Variants in NSUN2 observed in about 807,000 individuals in gnomAD.
NSUN2 encodes NOP2/Sun RNA methyltransferase 2.
NSUN2 carries 63 observed loss-of-function variants against 92.7 expected under a neutral mutation model. The observed-to-expected ratio is 0.68, with a 90% confidence interval of 0.56 to 0.84. The LOEUF (loss-of-function observed/expected upper bound fraction) is 0.84, where lower values mean the gene tolerates loss of function less well. Ranked by LOEUF, NSUN2 falls within the 40% of genes least tolerant of loss-of-function variation. The probability of loss-of-function intolerance (pLI) is 0.00; values close to 1 mark genes in which losing one functional copy is unlikely to be tolerated. For missense variants in NSUN2, 989 were observed against 964.9 expected, an observed-to-expected ratio of 1.02 and a Z score of -0.33; for synonymous variants, 356 against 348.3, an observed-to-expected ratio of 1.02 and a Z score of -0.25.
chr5:6,609,795 G>C, intron 12 of NSUN2, 31 bp downstream of exon 12: 1 of 1,537,868 alleles, frequency 6.5e-7, no homozygotes, highest in South Asian at 1.1e-5. Context: ...AAGATCAAAT[G>C]TTATGTCATT....
intron 18 of NSUN2, among the ~76,000 whole-genome samples, chr5:6,600,901 C>T (rs1214630225): frequency 2.6e-5 from 4 of 152,222 alleles, no homozygotes; most frequent in African/African-American, 7.2e-5. Flanking sequence ...TGAACATGCT[C>T]CGAGCCTCCC....
chr5:6,631,438 C>T (rs1029368345), intron 3 of NSUN2, among the ~76,000 whole-genome samples: 5 of 151,976 alleles, frequency 3.3e-5, no homozygotes, highest in Admixed American at 1.3e-4. Context: ...TGCGAAGTAC[C>T]AGGAGACAAC....
rs1736464056 is a variant in NSUN2 at position 6,599,745 on chromosome 5, C to G, written c.*181G>C. ...ACACGCTAAAAGAGTACATTTTCATCAGCTCCAAAGAAAGCAGTCCTGGTC... is the reference window on the plus strand; with the variant it reads ...ACACGCTAAAAGAGTACATTTTCATGAGCTCCAAAGAAAGCAGTCCTGGTC... On this transcript the variant is annotated 3_prime_UTR_variant, in exon 19 of 19. Coordinates refer to ENST00000264670, the MANE Select transcript of NSUN2 (RefSeq NM_017755.6). 1.6e-6 allele frequency: 1 copy of G among 619,764 alleles called. No individual in the cohort carries two copies. Among genetic ancestry groups the G allele is most frequent in the African/African-American group, 1.8e-5 (1 of 55,192 alleles). 38.4% of individuals were successfully genotyped at this position (619,764 alleles called of 1,614,324 possible). A position where few individuals can be genotyped will look rare whatever the true frequency, so the allele number is the denominator to read the frequency against.
chr5:6,604,306 A>G (rs1035392886), intron 16 of NSUN2, 30 bp from the exon 17 acceptor site: 2 of 1,571,516 alleles, frequency 1.3e-6, no homozygotes, highest in Admixed American at 3.4e-5. Context: ...GAGAGAACAG[A>G]TACCATGATG....
chr5:6,601,319 T>G (rs1736546891), intron 18 of NSUN2, among the ~76,000 whole-genome samples: 1 of 147,508 alleles, frequency 6.8e-6, no homozygotes, highest in Admixed American at 6.9e-5. Flanking sequence ...AAAAACCATT[T>G]CTGAGTCTTT....
intron 3 of NSUN2, among the ~76,000 whole-genome samples, chr5:6,627,598 GTATT>G (rs1737700969): frequency 6.6e-6 from 1 of 152,136 alleles, no homozygotes. Context: ...AAATTCTACA[GTATT>G]TATAATTGTG....
At chr5:6,604,383 T>C in intron 16 of NSUN2, 107 bp from the exon 17 acceptor site, 1 of 1,104,766 alleles carries the variant, frequency 9.1e-7, no homozygotes, top group South Asian at 1.5e-5. Context: ...GGTCGAGCCC[T>C]CACTATGGCC....
chr5:6,612,988 C>T (rs1169668178), intron 9 of NSUN2, among the ~76,000 whole-genome samples: 1 of 152,216 alleles, frequency 6.6e-6, no homozygotes, highest in African/African-American at 2.4e-5. Context: ...AAGGTCTGCT[C>T]CTTCCTGCAT....
intron 14 of NSUN2, among the ~76,000 whole-genome samples, chr5:6,606,230 T>A (rs963470786): frequency 1.3e-5 from 2 of 152,218 alleles, no homozygotes; most frequent in African/African-American, 2.4e-5. Context: ...TATACTCAAT[T>A]GAGTAATTTA....
chr5:6,611,687 C>T (rs1413884017), intron 10 of NSUN2, 38 bp downstream of exon 10: 1 of 1,572,620 alleles, frequency 6.4e-7, no homozygotes, highest in Non-Finnish European at 8.8e-7. Context: ...TGATGCTGCA[C>T]CTACTCTTTA....
intron 4 of NSUN2, among the ~76,000 whole-genome samples, chr5:6,624,850 A>C (rs1737586334): frequency 6.6e-6 from 1 of 152,228 alleles, no homozygotes; most frequent in African/African-American, 2.4e-5. Flanking sequence ...TAAATGTGAG[A>C]CTAAGAATTC....
At chr5:6,623,334 C>T (rs78257966) in intron 4 of NSUN2, 49 bp from the exon 5 acceptor site, 34,800 of 1,196,830 alleles carry the variant, frequency 0.029, 592 homozygotes, top group Non-Finnish European at 0.034. Context: ...AAAAAAAAAC[C>T]GCAGACAATT....
In NSUN2 at chr5:6,605,434, T is replaced by A. The variant is rs768670333; in HGVS notation, c.1602-26A>T. The A allele has an allele frequency of 6.8e-6, 11 of 1,610,018 alleles. No homozygotes were observed. The South Asian group carries it at 9.9e-5, about 14-fold the overall frequency. On this transcript the variant is annotated intron_variant, in intron 14 of 18. Transcript: ENST00000264670. ...CTGTACATAACAACATTGTTGTTTA[T>A]CCACAATGAGTTCAAAATCTGGTAG...
chr5:6,601,157 T>C (rs1382660356), intron 18 of NSUN2, among the ~76,000 whole-genome samples: 1 of 56,614 alleles, frequency 1.8e-5, no homozygotes, highest in East Asian at 7.1e-4. Flanking sequence ...CCAACTCCCA[T>C]CTTCTTAAAA....
In NSUN2 at chr5:6,600,188, C is replaced by A; in HGVS notation, c.2042G>T (p.Arg681Leu). ...LQCPIVLCGW[R>L]GKASIRTFVP... ...AAAAGTTCGAATGGAGGCCTTTCCCCGCCATCCGCATAAGACGATGGGACA... is the reference window on the plus strand; with the variant it reads ...AAAAGTTCGAATGGAGGCCTTTCCCAGCCATCCGCATAAGACGATGGGACA... Residue 681 changes from arginine to leucine, a missense_variant, in exon 19 of 19, where the codon CGG becomes CTG. Coordinates refer to ENST00000264670, the MANE Select transcript of NSUN2 (RefSeq NM_017755.6). 6.2e-7 allele frequency: 1 copy of A among 1,614,204 alleles called. No homozygotes were observed.
intron 4 of NSUN2, among the ~76,000 whole-genome samples, chr5:6,624,073 G>GTGAC (rs1347868366): frequency 1.4e-4 from 21 of 152,206 alleles, no homozygotes. Context: ...ACTCAGGCAT[G>GTGAC]TGACTGTCAA....
rs1202475930 is a variant in NSUN2 at position 6,606,489 on chromosome 5, G to A, written c.1601+331C>T. On this transcript the variant is annotated intron_variant, in intron 14 of 18. Transcript: ENST00000264670. ...TTTAGTAGAGACGGGGTTTCACCGT[G>A]TCAGCCAGGATGGTCTCAATCTCCT... 2.0e-5 allele frequency among the ~76,000 whole-genome samples: 3 copies of A among 152,072 alleles called. No individual in the cohort carries two copies. The East Asian group carries it at 5.8e-4, about 29-fold the overall frequency.
rs2126483629 is a variant in NSUN2, at chr5:6,611,888, T to G, written c.1022-90A>C. 4 of 1,105,866 alleles carry G rather than the reference T, an allele frequency of 3.6e-6. No individual in the cohort carries two copies. The Admixed American group carries it at 6.0e-5, about 17-fold the overall frequency. The allele number at this position is 1,105,866 out of a possible 1,614,324, so 68.5% of individuals were successfully genotyped here. A position where few individuals can be genotyped will look rare whatever the true frequency, so the allele number is the denominator to read the frequency against. On this transcript the variant is annotated intron_variant, in intron 9 of 18. Coordinates refer to ENST00000264670, the MANE Select transcript of NSUN2 (RefSeq NM_017755.6). ...AAAAAAACCAGACACAGATCACATA[T>G]TATATGATTCCATGTACAGAAAATG...
At chr5:6,629,614 T>C (rs560318477) in intron 3 of NSUN2, among the ~76,000 whole-genome samples, 2 of 152,324 alleles carry the variant, frequency 1.3e-5, no homozygotes, top group South Asian at 2.1e-4. Context: ...CTGCTAAAAA[T>C]ACAAACATGC....
Sources: gnomAD v4.1 joint callset for allele counts (sites outside exome capture counted in the v4.1 genomes callset) on GRCh38, gnomAD v4.1.1 for gene constraint, MANE v1.5 for transcripts, NCBI Gene and HGNC (gene_info 2026-07-23, HGNC 2026-07-21) for gene names.